The following EBF1 variants were observed in gnomAD, a reference collection of about 807,000 sequenced individuals.
EBF1 encodes transcription factor COE1.
A neutral mutation model predicts 68.4 loss-of-function variants in EBF1; 10 were observed. The observed-to-expected ratio is 0.15, with a 90% CI of 0.09 to 0.25. The LOEUF (loss-of-function observed/expected upper bound fraction) is 0.25, where lower values mean the gene tolerates loss of function less well. Ranked by LOEUF, EBF1 falls within the 10% of genes least tolerant of loss-of-function variation. The probability of loss-of-function intolerance (pLI) is 1.00; values close to 1 mark genes in which losing one functional copy is unlikely to be tolerated. For missense variants in EBF1, 509 were observed against 794.4 expected (o/e 0.64, Z 4.32); for synonymous variants, 298 against 299.8 (o/e 0.99, Z 0.06).
intron 6 of EBF1, among the ~76,000 whole-genome samples, chr5:158,967,742 T>C (rs1281320312): frequency 6.6e-6 from 1 of 152,196 alleles, no homozygotes; most frequent in Non-Finnish European, 1.5e-5. Context: ...GGAAGTTTCT[T>C]TAAGGCACAT....
intron 10 of EBF1, among the ~76,000 whole-genome samples, chr5:158,767,942 C>T (rs545970907): frequency 1.6e-4 from 24 of 152,172 alleles, no homozygotes; most frequent in South Asian, 8.3e-4. Flanking sequence ...TTTTAACTTA[C>T]GAAAAGTACA....
chr5:158,746,838 C>T (rs568454917), intron 10 of EBF1, among the ~76,000 whole-genome samples: 4 of 152,282 alleles, frequency 2.6e-5, no homozygotes, highest in South Asian at 4.1e-4. Context: ...GAGCAGAGAT[C>T]GGCTTGATAA....
chr5:158,966,140 A>T (rs991742537), intron 6 of EBF1, among the ~76,000 whole-genome samples: 1 of 152,176 alleles, frequency 6.6e-6, no homozygotes, highest in Non-Finnish European at 1.5e-5. Flanking sequence ...GCTTCCCTAA[A>T]ACACACACTG....
At chr5:158,980,205 C>G (rs1214291383) in intron 6 of EBF1, among the ~76,000 whole-genome samples, 1 of 152,240 alleles carries the variant, frequency 6.6e-6, no homozygotes, top group African/African-American at 2.4e-5. Flanking sequence ...GCGTCTGACT[C>G]ACTTCACGTC....
At chr5:158,852,167 A>G (rs997187871) in intron 6 of EBF1, among the ~76,000 whole-genome samples, 1 of 127,850 alleles carries the variant, frequency 7.8e-6, no homozygotes, top group African/African-American at 2.7e-5. Flanking sequence ...TCACTTTTCA[A>G]CCAAAAAAAA....
intron 4 of EBF1, among the ~76,000 whole-genome samples, chr5:159,088,961 A>G (rs1171695678): frequency 6.6e-6 from 1 of 152,158 alleles, no homozygotes; most frequent in East Asian, 1.9e-4. Context: ...GGTGACAGGA[A>G]TGCTTGTATA....
At chr5:158,905,249 A>C (rs1804325395) in intron 6 of EBF1, among the ~76,000 whole-genome samples, 1 of 152,172 alleles carries the variant, frequency 6.6e-6, no homozygotes, top group Non-Finnish European at 1.5e-5. Context: ...CATCCTCAAA[A>C]TGTATTTTGT....
At chr5:159,038,394 A>G (rs1770516093) in intron 6 of EBF1, among the ~76,000 whole-genome samples, 1 of 152,178 alleles carries the variant, frequency 6.6e-6, no homozygotes, top group African/African-American at 2.4e-5. Context: ...TTATGTATAC[A>G]TTCTCCAGTC....
At position 158,705,785 on chromosome 5, in the gene EBF1, T is replaced by A. The variant is rs551418749; in HGVS notation, c.1744+2194A>T. ...ACAGGGCATGAGAAGACATCGGGCCTCCTGGGAGCTGCCCACTTCTGTCAC... is the reference window on the plus strand; with the variant it reads ...ACAGGGCATGAGAAGACATCGGGCCACCTGGGAGCTGCCCACTTCTGTCAC... On this transcript the variant is annotated intron_variant, in intron 15 of 15. Transcript: ENST00000313708. Among the ~76,000 whole-genome samples, 4 of 152,302 alleles carry A rather than the reference T, an allele frequency of 2.6e-5. No individual in the cohort carries two copies. In the East Asian group the frequency reaches 7.7e-4, roughly 29 times the overall value.
At chr5:158,832,971 A>C (rs1787914564) in intron 7 of EBF1, among the ~76,000 whole-genome samples, 1 of 152,200 alleles carries the variant, frequency 6.6e-6, no homozygotes, top group Non-Finnish European at 1.5e-5. Flanking sequence ...CCTTAGATAA[A>C]CATGAGGTAA....
At chr5:158,842,293 G>GAGCTGACT (rs1349262493) in intron 6 of EBF1, among the ~76,000 whole-genome samples, 2 of 152,216 alleles carry the variant, frequency 1.3e-5, no homozygotes, top group African/African-American at 4.8e-5. Context: ...TAATACAGTG[G>GAGCTGACT]AGCTGACTGT....
intron 6 of EBF1, among the ~76,000 whole-genome samples, chr5:159,004,966 G>T (rs1306815123): frequency 6.6e-6 from 1 of 152,182 alleles, no homozygotes; most frequent in Non-Finnish European, 1.5e-5. Flanking sequence ...CAGTTGTGAG[G>T]AATGGAGAAT....
chr5:158,886,271 C>T (rs966409222), intron 6 of EBF1, among the ~76,000 whole-genome samples: 10 of 152,246 alleles, frequency 6.6e-5, no homozygotes, highest in African/African-American at 1.7e-4. Flanking sequence ...ACCCAACAGA[C>T]GCTCCTTGCA....
intron 6 of EBF1, among the ~76,000 whole-genome samples, chr5:158,994,863 A>T (rs539633621): frequency 3.1e-4 from 47 of 152,328 alleles, no homozygotes; most frequent in African/African-American, 1.1e-3. Context: ...GCCAAACAAC[A>T]AAGTTCTCTA....
intron 15 of EBF1, among the ~76,000 whole-genome samples, chr5:158,703,216 A>G (rs983146964): frequency 1.3e-5 from 2 of 152,132 alleles, no homozygotes; most frequent in Non-Finnish European, 2.9e-5. Context: ...ATAGTTGGTG[A>G]CTCAAGTCTT....
chr5:159,050,691 C>G (rs917225644), intron 6 of EBF1, among the ~76,000 whole-genome samples: 2 of 152,190 alleles, frequency 1.3e-5, no homozygotes, highest in Non-Finnish European at 2.9e-5. Context: ...TTGACTGACT[C>G]CTGCCTCCGT....
At chr5:158,954,913 A>G (rs777502684) in intron 6 of EBF1, among the ~76,000 whole-genome samples, 1 of 152,230 alleles carries the variant, frequency 6.6e-6, no homozygotes, top group Non-Finnish European at 1.5e-5. Context: ...AGCCCTGAGT[A>G]CATATGAACA....
intron 6 of EBF1, among the ~76,000 whole-genome samples, chr5:159,062,647 C>T (rs1045022167): frequency 6.6e-6 from 1 of 152,178 alleles, no homozygotes; most frequent in African/African-American, 2.4e-5. Context: ...ACTGATTTCG[C>T]GTTTGACATA....
At chr5:158,789,445 T>G (rs1581900504) in intron 9 of EBF1, among the ~76,000 whole-genome samples, 1 of 152,192 alleles carries the variant, frequency 6.6e-6, no homozygotes, top group South Asian at 2.1e-4. Context: ...GTGGTATAGA[T>G]AAGTCTTCAG....
Sources: gnomAD v4.1 joint callset for allele counts (sites outside exome capture counted in the v4.1 genomes callset) on GRCh38, gnomAD v4.1.1 for gene constraint, MANE v1.5 for transcripts, NCBI Gene and HGNC (gene_info 2026-07-23, HGNC 2026-07-21) for gene names.